The following CCDC73 variants were observed in gnomAD, a reference collection of about 807,000 sequenced individuals.
CCDC73 encodes coiled-coil domain containing 73.
A neutral mutation model predicts 116.5 loss-of-function variants in CCDC73; 95 were observed. The ratio of observed to expected loss-of-function variants is 0.82; its 90% CI spans 0.69 to 0.97. The LOEUF (loss-of-function observed/expected upper bound fraction) is 0.97, where lower values mean the gene tolerates loss of function less well. Ranked by LOEUF, CCDC73 falls within the 50% of genes least tolerant of loss-of-function variation. CCDC73 has a pLI of 0.00. For synonymous variants in CCDC73, 398 were observed against 401.3 expected (o/e 0.99, Z 0.10); for missense variants, 1,066 against 1,206.8 (o/e 0.88, Z 1.73).
the CCDC73 span, among the ~76,000 whole-genome samples, chr11:32,814,486 A>C: frequency 6.6e-6 from 1 of 152,216 alleles, no homozygotes; most frequent in East Asian, 1.9e-4. Context: ...CAGAAAAGAA[A>C]GAAAGCCCCT....
chr11:32,801,136 T>C, the CCDC73 span, among the ~76,000 whole-genome samples: 5 of 152,194 alleles, frequency 3.3e-5, no homozygotes, highest in East Asian at 7.7e-4. Context: ...CTGGGTAGTC[T>C]AGTGACTACT....
At chr11:32,670,718 T>C (rs1374772620) in intron 9 of CCDC73, among the ~76,000 whole-genome samples, 2 of 152,168 alleles carry the variant, frequency 1.3e-5, no homozygotes, top group South Asian at 4.1e-4. Flanking sequence ...ATGCGACAAA[T>C]GTCTATGTTT....
At chr11:32,628,139 G>T (rs1205864422) in intron 14 of CCDC73, among the ~76,000 whole-genome samples, 1 of 152,108 alleles carries the variant, frequency 6.6e-6, no homozygotes. Flanking sequence ...TACAGTGTAT[G>T]AAACAACAGT....
intron 3 of CCDC73, among the ~76,000 whole-genome samples, chr11:32,711,715 C>T (rs1266844286): frequency 6.6e-6 from 1 of 152,136 alleles, no homozygotes; most frequent in Non-Finnish European, 1.5e-5. Context: ...CACTAAAGAA[C>T]TTATTCATGT....
At chr11:32,739,094 T>C (rs1590623217) in intron 2 of CCDC73, among the ~76,000 whole-genome samples, 1 of 152,302 alleles carries the variant, frequency 6.6e-6, no homozygotes, top group East Asian at 1.9e-4. Context: ...TTGGTTACCA[T>C]AGTTCTGTAG....
chr11:32,784,225 G>A (rs1850607681), intron 1 of CCDC73, among the ~76,000 whole-genome samples: 1 of 151,910 alleles, frequency 6.6e-6, no homozygotes, highest in South Asian at 2.1e-4. Flanking sequence ...AGCTACTCAA[G>A]AGGCTGAGGC....
intron 7 of CCDC73, among the ~76,000 whole-genome samples, chr11:32,676,989 T>A (rs1235723219): frequency 1.3e-5 from 2 of 152,362 alleles, no homozygotes; most frequent in East Asian, 3.8e-4. Flanking sequence ...TTAAAAAATA[T>A]TATGTTAATA....
intron 6 of CCDC73, among the ~76,000 whole-genome samples, chr11:32,693,052 C>T (rs2133305988): frequency 6.6e-6 from 1 of 152,280 alleles, no homozygotes; most frequent in East Asian, 1.9e-4. Flanking sequence ...TTCACTAAAG[C>T]TAAATTAGTT....
chr11:32,709,533 G>A (rs1328136529), intron 3 of CCDC73, among the ~76,000 whole-genome samples: 2 of 152,134 alleles, frequency 1.3e-5, no homozygotes, highest in Non-Finnish European at 2.9e-5. Flanking sequence ...CTGACCTCAG[G>A]TGATCCACCA....
intron 14 of CCDC73, among the ~76,000 whole-genome samples, chr11:32,629,092 A>T (rs1565060682): frequency 6.6e-6 from 1 of 152,226 alleles, no homozygotes; most frequent in African/African-American, 2.4e-5. Context: ...ACTTCAGGAC[A>T]TAACAACAGA....
At chr11:32,815,340 T>C in the CCDC73 span, among the ~76,000 whole-genome samples, 19 of 147,126 alleles carry the variant, frequency 1.3e-4, no homozygotes, top group African/African-American at 4.7e-4. Context: ...TATTTTTGCT[T>C]TTTTTTTTTT....
At chr11:32,635,881 T>G (rs781262041) in intron 13 of CCDC73, 51 bp from the exon 14 acceptor site, 1 of 1,000,262 alleles carries the variant, frequency 1.0e-6, no homozygotes, top group African/African-American at 1.7e-5. Context: ...TATATAAATA[T>G]GTTTTGTCTG....
intron 2 of CCDC73, among the ~76,000 whole-genome samples, chr11:32,737,745 C>G (rs1325538636): frequency 6.6e-6 from 1 of 152,006 alleles, no homozygotes; most frequent in African/African-American, 2.4e-5. Context: ...AATTATTAGA[C>G]TATAGTCACC....
intron 13 of CCDC73, among the ~76,000 whole-genome samples, chr11:32,637,483 T>A (rs1169505587): frequency 6.6e-6 from 1 of 152,150 alleles, no homozygotes; most frequent in Non-Finnish European, 1.5e-5. Flanking sequence ...CTCTGTAGCA[T>A]TTGACCATGT....
At chr11:32,649,031 C>T (rs1283335450) in intron 12 of CCDC73, among the ~76,000 whole-genome samples, 2 of 152,182 alleles carry the variant, frequency 1.3e-5, no homozygotes, top group African/African-American at 2.4e-5. Context: ...CCTTCATGAG[C>T]TCTAAGTCCA....
intron 14 of CCDC73, among the ~76,000 whole-genome samples, chr11:32,619,800 AAAG>A (rs1484627589): frequency 3.4e-5 from 5 of 148,772 alleles, no homozygotes; most frequent in Non-Finnish European, 6.0e-5. Context: ...AGCAGGAGGA[AAAG>A]GAGGAGGTGA....
At chr11:32,811,541 G>T in the CCDC73 span, among the ~76,000 whole-genome samples, 1 of 152,040 alleles carries the variant, frequency 6.6e-6, no homozygotes, top group Non-Finnish European at 1.5e-5. Flanking sequence ...AATTTATATA[G>T]AAAAGAGGTT....
At chr11:32,765,134 A>G (rs554889895) in intron 1 of CCDC73, among the ~76,000 whole-genome samples, 3 of 152,330 alleles carry the variant, frequency 2.0e-5, no homozygotes, top group South Asian at 2.1e-4. Flanking sequence ...GAGTCCTACA[A>G]AGAGACTTAG....
the CCDC73 span, among the ~76,000 whole-genome samples, chr11:32,815,274 C>T: frequency 6.6e-6 from 1 of 151,378 alleles, no homozygotes; most frequent in African/African-American, 2.4e-5. Context: ...TTAAAATCTG[C>T]CAACATAAAG....
Sources: gnomAD v4.1 joint callset for allele counts (sites outside exome capture counted in the v4.1 genomes callset) on GRCh38, gnomAD v4.1.1 for gene constraint, MANE v1.5 for transcripts, NCBI Gene and HGNC (gene_info 2026-07-23, HGNC 2026-07-21) for gene names.